CDK14: variants seen among roughly 807,000 people sequenced by gnomAD.
The protein encoded by CDK14 is cyclin dependent kinase 14.
Under a neutral mutation model 60.7 loss-of-function variants are expected in CDK14, and 34 were observed. The ratio of observed to expected loss-of-function variants is 0.56; its 90% CI spans 0.43 to 0.75. CDK14 has a LOEUF of 0.75. CDK14 is among the 30% of genes least tolerant of loss of function. CDK14 has a pLI of 0.00. For synonymous variants in CDK14, 197 were observed against 203.7 expected (o/e 0.97, Z 0.28); for missense variants, 482 against 564.1 (o/e 0.85, Z 1.47).
At chr7:91,074,559 A>G (rs963157654) in intron 11 of CDK14, among the ~76,000 whole-genome samples, 2 of 152,248 alleles carry the variant, frequency 1.3e-5, no homozygotes, top group African/African-American at 4.8e-5. Context: ...AAAGAGCTCA[A>G]ATCGACACCC....
chr7:90,667,408 G>T (rs1425422419), intron 2 of CDK14, among the ~76,000 whole-genome samples: 1 of 152,012 alleles, frequency 6.6e-6, no homozygotes, highest in African/African-American at 2.4e-5. Flanking sequence ...ATCCTAAAAG[G>T]TACCTGTACT....
chr7:90,895,919 C>T (rs1792323389), intron 6 of CDK14, among the ~76,000 whole-genome samples: 1 of 151,646 alleles, frequency 6.6e-6, no homozygotes. Context: ...TGGCAAACTC[C>T]TCACTTAATA....
chr7:90,828,778 G>C (rs1421101811), intron 5 of CDK14, among the ~76,000 whole-genome samples: 1 of 152,176 alleles, frequency 6.6e-6, no homozygotes, highest in African/African-American at 2.4e-5. Context: ...GATGTTTGAG[G>C]TCTCTGTTGA....
chr7:90,855,784 AGAG>A lies in CDK14; in HGVS notation c.545-7387_545-7385del, dbSNP rs556063626. ...TTTCATGTGGTCAAGCTGTAGTATT[AGAG>A]GAGTGTGTTCTTTACAGTGATTTAG... On this transcript the variant is annotated intron_variant, in intron 5 of 14. Coordinates refer to ENST00000380050, the MANE Select transcript of CDK14 (RefSeq NM_001287135.2). Among the ~76,000 whole-genome samples the A allele has an allele frequency of 5.9e-3, 902 of 152,346 alleles. 16 individuals carry two copies. The highest frequency in any genetic ancestry group is 0.021 in the African/African-American group (854 of 41,582).
intron 2 of CDK14, among the ~76,000 whole-genome samples, chr7:90,673,178 G>A (rs994265912): frequency 6.6e-6 from 1 of 152,152 alleles, no homozygotes; most frequent in Admixed American, 6.5e-5. Flanking sequence ...CATGCCTAAG[G>A]GATAGGACTT....
rs1412629062 is a variant in CDK14 at position 91,209,105 on chromosome 7, A to G, written c.*1969A>G. The G allele has an allele frequency of 6.6e-6, 1 of 152,538 alleles. No individual in the cohort carries two copies. The highest frequency in any genetic ancestry group is 1.5e-5 in the Non-Finnish European group (1 of 68,040). 9.4% of individuals were successfully genotyped at this position (152,538 alleles called of 1,614,324 possible). A position where few individuals can be genotyped will look rare whatever the true frequency, so the allele number is the denominator to read the frequency against. ...TTAATCATTCATTTGGAGAAGAGGC[A>G]TGACCTTTGTATTTCACTAAGTTTA... On this transcript the variant is annotated 3_prime_UTR_variant, in exon 15 of 15. Transcript: ENST00000380050.
chr7:91,102,348 TGTAA>T (rs1157711662), intron 12 of CDK14, among the ~76,000 whole-genome samples: 1 of 152,180 alleles, frequency 6.6e-6, no homozygotes, highest in Non-Finnish European at 1.5e-5. Flanking sequence ...CCATATAAAA[TGTAA>T]GTGAGGAACA....
intron 3 of CDK14, among the ~76,000 whole-genome samples, chr7:90,746,389 T>C (rs1803592456): frequency 6.6e-6 from 1 of 152,232 alleles, no homozygotes; most frequent in African/African-American, 2.4e-5. Context: ...GTGTGTTTTT[T>C]GATAAGTGAT....
intron 6 of CDK14, among the ~76,000 whole-genome samples, chr7:90,878,814 G>A (rs1016307511): frequency 2.6e-5 from 4 of 152,194 alleles, no homozygotes; most frequent in African/African-American, 9.7e-5. Context: ...AATTGAGTGA[G>A]TTGGTAAAAT....
chr7:91,191,548 T>C (rs1342262043), intron 14 of CDK14, among the ~76,000 whole-genome samples: 2 of 151,768 alleles, frequency 1.3e-5, no homozygotes, highest in African/African-American at 2.4e-5. Context: ...AAATAAGTTA[T>C]GTACATATGT....
chr7:90,820,039 C>T (rs953145963), intron 5 of CDK14, among the ~76,000 whole-genome samples: 3 of 152,046 alleles, frequency 2.0e-5, no homozygotes, highest in Admixed American at 6.6e-5. Context: ...GAGGTTTTTG[C>T]GCCCCCAACC....
intron 14 of CDK14, among the ~76,000 whole-genome samples, chr7:91,189,743 G>GCTTGTGGTAT (rs1802301585): frequency 6.6e-6 from 1 of 152,082 alleles, no homozygotes; most frequent in Admixed American, 6.6e-5. Flanking sequence ...TTCTTGTATG[G>GCTTGTGGTAT]CTTGTGGTAT....
chr7:90,642,450 T>C (rs1800361300), intron 2 of CDK14, among the ~76,000 whole-genome samples: 2 of 152,254 alleles, frequency 1.3e-5, no homozygotes, highest in South Asian at 2.1e-4. Flanking sequence ...CTATACCTGC[T>C]AATTTTCTTC....
chr7:90,960,273 G>A (rs1794562135), intron 9 of CDK14, among the ~76,000 whole-genome samples: 1 of 152,060 alleles, frequency 6.6e-6, no homozygotes, highest in African/African-American at 2.4e-5. Context: ...AAAATATATA[G>A]TAGCACTACC....
At chr7:90,827,478 C>G (rs1789766219) in intron 5 of CDK14, among the ~76,000 whole-genome samples, 1 of 152,098 alleles carries the variant, frequency 6.6e-6, no homozygotes, top group South Asian at 2.1e-4. Context: ...TTCCATTTAC[C>G]TAGCATTGAG....
intron 10 of CDK14, among the ~76,000 whole-genome samples, chr7:91,002,568 A>G (rs980723020): frequency 2.6e-5 from 4 of 152,158 alleles, no homozygotes; most frequent in Non-Finnish European, 5.9e-5. Flanking sequence ...AACTCAACCA[A>G]TATGTATTGA....
At chr7:90,705,004 CATAAA>C (rs1415518328) in intron 2 of CDK14, among the ~76,000 whole-genome samples, 1 of 151,734 alleles carries the variant, frequency 6.6e-6, no homozygotes, top group Non-Finnish European at 1.5e-5. Context: ...AAATTTACAA[CATAAA>C]ATAGATTACT....
intron 11 of CDK14, among the ~76,000 whole-genome samples, chr7:91,077,756 A>G (rs1174610208): frequency 1.3e-5 from 2 of 151,896 alleles, no homozygotes; most frequent in African/African-American, 4.8e-5. Flanking sequence ...ACACACACAC[A>G]CACACACACA....
chr7:90,861,577 T>A (rs1390329339), intron 5 of CDK14, among the ~76,000 whole-genome samples: 1 of 152,160 alleles, frequency 6.6e-6, no homozygotes, highest in Non-Finnish European at 1.5e-5. Flanking sequence ...AATTGGCAGC[T>A]GTTGGAAAGC....
Sources: allele counts gnomAD v4.1 joint callset (sites outside exome capture counted in the v4.1 genomes callset), GRCh38; gene constraint gnomAD v4.1.1; transcripts MANE v1.5; gene names NCBI Gene and HGNC (gene_info 2026-07-23, HGNC 2026-07-21).